FAM13A: variants seen among roughly 807,000 people sequenced by gnomAD.
FAM13A encodes the protein protein FAM13A.
Under a neutral mutation model 129.6 loss-of-function variants are expected in FAM13A, and 76 were observed. The ratio of observed to expected loss-of-function variants is 0.59; its 90% CI spans 0.49 to 0.71. FAM13A has a LOEUF of 0.71. Ranked by LOEUF, FAM13A falls within the 30% of genes least tolerant of loss-of-function variation. The pLI is 0.00. For missense variants in FAM13A, 1,108 were observed against 1,249.3 expected (o/e 0.89, Z 1.70); for synonymous variants, 443 against 449.9 (o/e 0.98, Z 0.20).
chr4:89,031,740 AT>A (rs1212332434), intron 1 of FAM13A, among the ~76,000 whole-genome samples: 1 of 152,236 alleles, frequency 6.6e-6, no homozygotes, highest in Non-Finnish European at 1.5e-5. Flanking sequence ...GTTGAGACAC[AT>A]TTCATTGCTG....
At chr4:88,817,309 TC>T (rs1730944925) in intron 7 of FAM13A, among the ~76,000 whole-genome samples, 1 of 152,202 alleles carries the variant, frequency 6.6e-6, no homozygotes. Context: ...ATGCCTGTAA[TC>T]CCAGCATTTT....
chr4:88,790,736 G>T, intron 8 of FAM13A, 109 bp from the exon 9 acceptor site: 1 of 868,940 alleles, frequency 1.2e-6, no homozygotes, highest in Non-Finnish European at 1.9e-6. Context: ...AGTCCCAAGT[G>T]ATCCCCAAAA....
At chr4:88,961,539 T>A (rs1179105226) in intron 4 of FAM13A, among the ~76,000 whole-genome samples, 1 of 151,926 alleles carries the variant, frequency 6.6e-6, no homozygotes, top group Non-Finnish European at 1.5e-5. Context: ...GGCTAATTTT[T>A]TGTATTTTTA....
chr4:88,751,498 C>G (rs964907604), intron 14 of FAM13A, among the ~76,000 whole-genome samples: 3 of 152,186 alleles, frequency 2.0e-5, no homozygotes, highest in Non-Finnish European at 4.4e-5. Context: ...CTTGAAACTT[C>G]AGAAGCTGCT....
At chr4:89,010,273 CTG>C (rs546358916) in intron 3 of FAM13A, among the ~76,000 whole-genome samples, 16 of 152,284 alleles carry the variant, frequency 1.1e-4, no homozygotes, top group African/African-American at 3.8e-4. Flanking sequence ...CCTTTGGAGT[CTG>C]TGTTTCCCGA....
At chr4:88,996,214 T>C (rs1037789033) in intron 3 of FAM13A, among the ~76,000 whole-genome samples, 3 of 152,180 alleles carry the variant, frequency 2.0e-5, no homozygotes, top group African/African-American at 4.8e-5. Context: ...CTAAAAGCTA[T>C]GGTCTTTTCT....
chr4:88,971,758 C>T (rs1760114312), intron 4 of FAM13A, among the ~76,000 whole-genome samples: 1 of 152,210 alleles, frequency 6.6e-6, no homozygotes, highest in Non-Finnish European at 1.5e-5. Flanking sequence ...GCAATCCTCC[C>T]ACCAGCCTTC....
At chr4:88,948,615 A>G (rs900229963) in intron 4 of FAM13A, among the ~76,000 whole-genome samples, 2 of 151,798 alleles carry the variant, frequency 1.3e-5, no homozygotes, top group African/African-American at 4.8e-5. Context: ...CGGCTTCCTG[A>G]GTAGCTGGGA....
At chr4:88,743,967 A>C (rs1490303407) in intron 19 of FAM13A, among the ~76,000 whole-genome samples, 1 of 152,208 alleles carries the variant, frequency 6.6e-6, no homozygotes, top group Non-Finnish European at 1.5e-5. Flanking sequence ...ATGGATTCTT[A>C]TAACTGTTGC....
chr4:88,881,522 T>C (rs1038005778), intron 6 of FAM13A, among the ~76,000 whole-genome samples: 2 of 151,996 alleles, frequency 1.3e-5, no homozygotes, highest in African/African-American at 4.8e-5. Context: ...TCTACCCAAA[T>C]GAGAAGGAAA....
chr4:88,879,406 G>A (rs1472291436), intron 6 of FAM13A, among the ~76,000 whole-genome samples: 2 of 152,082 alleles, frequency 1.3e-5, no homozygotes, highest in Non-Finnish European at 2.9e-5. Context: ...TCATGCTTTA[G>A]CATCAAATAT....
chr4:88,912,117 A>G (rs2150260287), intron 5 of FAM13A, among the ~76,000 whole-genome samples: 1 of 152,338 alleles, frequency 6.6e-6, no homozygotes, highest in East Asian at 1.9e-4. Context: ...TTAGGTGTCA[A>G]CTTGACTAAA....
intron 5 of FAM13A, among the ~76,000 whole-genome samples, chr4:88,924,317 C>T (rs940822681): frequency 5.9e-5 from 9 of 152,128 alleles, no homozygotes; most frequent in Non-Finnish European, 1.2e-4. Context: ...TACAAGGCTA[C>T]AGTAACCAAA....
intron 7 of FAM13A, among the ~76,000 whole-genome samples, chr4:88,842,009 G>A (rs188327913): frequency 2.4e-4 from 36 of 152,240 alleles, no homozygotes; most frequent in Non-Finnish European, 4.4e-4. Flanking sequence ...CCAAATGTAC[G>A]TCAACTAATG....
chr4:88,999,202 C>T (rs759011246), intron 3 of FAM13A, among the ~76,000 whole-genome samples: 9 of 152,116 alleles, frequency 5.9e-5, no homozygotes, highest in Non-Finnish European at 1.0e-4. Flanking sequence ...AAACAAACTC[C>T]TGATAATGCC....
intron 17 of FAM13A, 99 bp downstream of exon 17, chr4:88,748,852 AC>A: frequency 1.2e-6 from 1 of 848,488 alleles, no homozygotes; most frequent in South Asian, 1.4e-5. Context: ...ATCTTTAAGG[AC>A]CGGGGAATGC....
intron 20 of FAM13A, 184 bp from the exon 21 acceptor site, chr4:88,737,739 T>A: frequency 8.2e-6 from 5 of 609,824 alleles, no homozygotes; most frequent in Non-Finnish European, 1.5e-5. Flanking sequence ...GCTGCTTCCC[T>A]TCAGCGCCCA....
chr4:89,050,858 G>A (rs535501358), intron 1 of FAM13A, among the ~76,000 whole-genome samples: 6 of 152,162 alleles, frequency 3.9e-5, no homozygotes, highest in Admixed American at 2.0e-4. Flanking sequence ...AACTCAGGAG[G>A]CGGAGGTTAG....
intron 13 of FAM13A, among the ~76,000 whole-genome samples, chr4:88,762,616 T>C (rs1324200662): frequency 1.3e-5 from 2 of 152,172 alleles, no homozygotes; most frequent in African/African-American, 4.8e-5. Context: ...GGCTGTCCTA[T>C]GTCCTATGGC....
Sources: gnomAD v4.1 joint callset for allele counts (sites outside exome capture counted in the v4.1 genomes callset) on GRCh38, gnomAD v4.1.1 for gene constraint, MANE v1.5 for transcripts, NCBI Gene and HGNC (gene_info 2026-07-23, HGNC 2026-07-21) for gene names.